The following PPP3CA variants were observed in gnomAD, a reference collection of about 807,000 sequenced individuals.
PPP3CA encodes the protein protein phosphatase 3 catalytic subunit alpha, also known as CAM-PRP catalytic subunit.
A neutral mutation model predicts 66.5 loss-of-function variants in PPP3CA; 14 were observed. That is an observed-to-expected ratio of 0.21 (90% confidence interval 0.14 to 0.33). The LOEUF (loss-of-function observed/expected upper bound fraction) is 0.33. Ranked by LOEUF, PPP3CA falls within the 10% of genes least tolerant of loss-of-function variation. The pLI is 1.00. For missense variants in PPP3CA, 317 were observed against 639.5 expected (o/e 0.50, Z 5.44); for synonymous variants, 232 against 226.2 (o/e 1.03, Z -0.23).
At chr4:101,247,854 TC>T (rs1391037440) in intron 1 of PPP3CA, among the ~76,000 whole-genome samples, 1 of 152,068 alleles carries the variant, frequency 6.6e-6, no homozygotes, top group African/African-American at 2.4e-5. Flanking sequence ...ATATGCCACT[TC>T]ACTATGCACT....
At chr4:101,300,785 A>C (rs1010535501) in intron 1 of PPP3CA, among the ~76,000 whole-genome samples, 24 of 152,136 alleles carry the variant, frequency 1.6e-4, no homozygotes, top group Admixed American at 3.9e-4. Context: ...ACAGAACGAG[A>C]CTCTGCCACG....
intron 2 of PPP3CA, among the ~76,000 whole-genome samples, chr4:101,149,918 A>G (rs1723085426): frequency 6.6e-6 from 1 of 152,118 alleles, no homozygotes; most frequent in South Asian, 2.1e-4. Flanking sequence ...GCCCACATAC[A>G]GCTGTTATTC....
At chr4:101,201,174 A>G (rs1158125134) in intron 1 of PPP3CA, among the ~76,000 whole-genome samples, 2 of 152,240 alleles carry the variant, frequency 1.3e-5, no homozygotes, top group Non-Finnish European at 2.9e-5. Flanking sequence ...TATGTCTACT[A>G]GAACATTTAA....
At chr4:101,243,656 T>A (rs1037782534) in intron 1 of PPP3CA, among the ~76,000 whole-genome samples, 12 of 152,136 alleles carry the variant, frequency 7.9e-5, no homozygotes, top group Admixed American at 7.9e-4. Context: ...TACTACCCCA[T>A]TTTATATAAT....
At chr4:101,167,322 G>T (rs1000115376) in intron 2 of PPP3CA, among the ~76,000 whole-genome samples, 2 of 152,028 alleles carry the variant, frequency 1.3e-5, no homozygotes, top group African/African-American at 4.8e-5. Context: ...TTTGTTTTTT[G>T]AGTAAATCCC....
chr4:101,074,427 T>G (rs530770506), intron 8 of PPP3CA, among the ~76,000 whole-genome samples: 33 of 152,286 alleles, frequency 2.2e-4, no homozygotes, highest in Admixed American at 1.2e-3. Flanking sequence ...AATTGTGGTA[T>G]AGTATGGAAT....
chr4:101,129,604 G>T (rs1722361726), intron 2 of PPP3CA, among the ~76,000 whole-genome samples: 1 of 152,206 alleles, frequency 6.6e-6, no homozygotes, highest in African/African-American at 2.4e-5. Context: ...CAGGCAAACA[G>T]GGTCTGGAGT....
chr4:101,323,115 TTAGGG>T (rs1729093155), intron 1 of PPP3CA, among the ~76,000 whole-genome samples: 1 of 152,174 alleles, frequency 6.6e-6, no homozygotes, highest in South Asian at 2.1e-4. Flanking sequence ...CATGTAGTCT[TTAGGG>T]TCCCTTGAAG....
chr4:101,268,766 T>A (rs1384971016), intron 1 of PPP3CA, among the ~76,000 whole-genome samples: 1 of 152,126 alleles, frequency 6.6e-6, no homozygotes, highest in Non-Finnish European at 1.5e-5. Flanking sequence ...TGTCCAAGAC[T>A]TCTGCGCACT....
intron 2 of PPP3CA, among the ~76,000 whole-genome samples, chr4:101,186,616 G>A (rs1309349603): frequency 4.6e-5 from 7 of 151,738 alleles, no homozygotes; most frequent in Non-Finnish European, 8.8e-5. Context: ...TATACTGATA[G>A]CGCAAAATAT....
At chr4:101,306,090 A>G (rs2110304617) in intron 1 of PPP3CA, among the ~76,000 whole-genome samples, 1 of 152,244 alleles carries the variant, frequency 6.6e-6, no homozygotes, top group African/African-American at 2.4e-5. Context: ...CACCACAAAT[A>G]CAAGAGCTAA....
At chr4:101,206,979 A>G (rs1228031961) in intron 1 of PPP3CA, among the ~76,000 whole-genome samples, 1 of 152,196 alleles carries the variant, frequency 6.6e-6, no homozygotes, top group Non-Finnish European at 1.5e-5. Flanking sequence ...CTGGCGGCCC[A>G]TATCAAAGAG....
intron 8 of PPP3CA, among the ~76,000 whole-genome samples, chr4:101,067,678 A>C (rs1578416542): frequency 3.4e-5 from 4 of 116,932 alleles, no homozygotes; most frequent in East Asian, 2.2e-4. Flanking sequence ...GGGTGGGGGG[A>C]CGGGGAGGGA....
chr4:101,229,040 T>A (rs927501967), intron 1 of PPP3CA, among the ~76,000 whole-genome samples: 1 of 151,686 alleles, frequency 6.6e-6, no homozygotes, highest in South Asian at 2.1e-4. Flanking sequence ...ACAGTATTAT[T>A]ATATGGGTTT....
At chr4:101,058,301 G>C (rs1443372173) in intron 10 of PPP3CA, among the ~76,000 whole-genome samples, 1 of 152,042 alleles carries the variant, frequency 6.6e-6, no homozygotes, top group African/African-American at 2.4e-5. Flanking sequence ...ATATAGCTAA[G>C]CAGAAATAAA....
chr4:101,303,929 T>C (rs899778539), intron 1 of PPP3CA, among the ~76,000 whole-genome samples: 3 of 152,206 alleles, frequency 2.0e-5, no homozygotes, highest in Non-Finnish European at 4.4e-5. Context: ...CTGGTCAAAC[T>C]TGCAATTTGT....
At chr4:101,204,010 C>G (rs1725048919) in intron 1 of PPP3CA, among the ~76,000 whole-genome samples, 1 of 152,048 alleles carries the variant, frequency 6.6e-6, no homozygotes, top group South Asian at 2.1e-4. Flanking sequence ...CCCTCTATTG[C>G]CCATGCTGGA....
chr4:101,198,872 G>A (rs1724882843), intron 1 of PPP3CA, among the ~76,000 whole-genome samples: 1 of 152,064 alleles, frequency 6.6e-6, no homozygotes, highest in South Asian at 2.1e-4. Context: ...AGATATTGGC[G>A]CTGGTTCCAA....
intron 1 of PPP3CA, among the ~76,000 whole-genome samples, chr4:101,238,361 A>C (rs1726193482): frequency 6.6e-6 from 1 of 151,998 alleles, no homozygotes. Flanking sequence ...AGTTCTATAG[A>C]AATCTCAAGA....
Sources: gnomAD v4.1 joint callset for allele counts (sites outside exome capture counted in the v4.1 genomes callset) on GRCh38, gnomAD v4.1.1 for gene constraint, MANE v1.5 for transcripts, NCBI Gene and HGNC (gene_info 2026-07-23, HGNC 2026-07-21) for gene names.